The following DIAPH3 variants were observed in gnomAD, a reference collection of about 807,000 sequenced individuals.
The protein encoded by DIAPH3 is protein diaphanous homolog 3.
Under a neutral mutation model 144.3 loss-of-function variants are expected in DIAPH3, and 117 were observed. The ratio of observed to expected loss-of-function variants is 0.81; its 90% confidence interval spans 0.70 to 0.95. The LOEUF (loss-of-function observed/expected upper bound fraction) is 0.95, where lower values mean the gene tolerates loss of function less well. Among genes scored for constraint, DIAPH3 ranks in the 40% least tolerant of loss-of-function variants. The pLI, the probability that DIAPH3 is intolerant of heterozygous loss-of-function variation, is 0.00. For synonymous variants in DIAPH3, 519 were observed against 488.9 expected, an observed-to-expected ratio of 1.06 and a Z score of -0.81; for missense variants, 1,421 against 1,412.7, an observed-to-expected ratio of 1.01 and a Z score of -0.09.
At chr13:60,151,591 C>G (rs1426764478) in intron 1 of DIAPH3, among the ~76,000 whole-genome samples, 1 of 152,128 alleles carries the variant, frequency 6.6e-6, no homozygotes, top group Non-Finnish European at 1.5e-5. Flanking sequence ...TATAAAGTTA[C>G]AAGAGTACTT....
chr13:60,129,265 C>T (rs2059074733), intron 2 of DIAPH3, among the ~76,000 whole-genome samples: 1 of 152,140 alleles, frequency 6.6e-6, no homozygotes, highest in Admixed American at 6.5e-5. Context: ...ATGAGGAAAA[C>T]CTTCTTCAAA....
chr13:59,715,786 T>A (rs1566213735), intron 27 of DIAPH3, among the ~76,000 whole-genome samples: 1 of 152,192 alleles, frequency 6.6e-6, no homozygotes, highest in African/African-American at 2.4e-5. Context: ...TTCATTTTTT[T>A]CTTTCTCTAA....
chr13:59,845,089 A>G (rs1353345820), intron 22 of DIAPH3, among the ~76,000 whole-genome samples: 1 of 149,992 alleles, frequency 6.7e-6, no homozygotes, highest in African/African-American at 2.5e-5. Context: ...TCTGTTGCCC[A>G]GGCTGGAGTG....
chr13:59,757,774 G>A (rs977559120), intron 27 of DIAPH3, among the ~76,000 whole-genome samples: 5 of 152,068 alleles, frequency 3.3e-5, no homozygotes, highest in Non-Finnish European at 7.4e-5. Flanking sequence ...CATGCTACAA[G>A]GACAATATTC....
At chr13:59,914,974 A>G (rs1008910318) in intron 19 of DIAPH3, among the ~76,000 whole-genome samples, 1 of 152,312 alleles carries the variant, frequency 6.6e-6, no homozygotes, top group East Asian at 1.9e-4. Context: ...TACTTTGGAC[A>G]TGAATTTTAA....
In DIAPH3 at chr13:59,980,802, T is replaced by C; in HGVS notation, c.1538A>G (p.Tyr513Cys). The change falls in exon 14 of 28, where the codon TAC (tyrosine) becomes TGC (cysteine). Residue 513 changes from tyrosine (Y) to cysteine (C), a missense_variant. By Grantham distance (194) the Tyr-to-Cys change is radical. Transcript: ENST00000400324. The stretch of plus-strand genomic sequence containing the variant: ...TTAGTGAAAACTACTTACTTTCTTG[T>C]AAAGTTCTGATGCTTTCTCTTCAAA... ...EEFEEKASEL[Y>C]KKFEKEFTDH... 1 of 1,609,262 alleles carries C rather than the reference T, an allele frequency of 6.2e-7. No homozygotes were observed. The highest frequency in any genetic ancestry group is 8.5e-7 in the Non-Finnish European group (1 of 1,176,868).
At chr13:59,871,578 GATTAC>G (rs1465252864) in intron 21 of DIAPH3, among the ~76,000 whole-genome samples, 1 of 152,118 alleles carries the variant, frequency 6.6e-6, no homozygotes, top group African/African-American at 2.4e-5. Context: ...GATGATGATA[GATTAC>G]ATTAATGGAT....
At chr13:59,934,232 T>G (rs1174740260) in intron 17 of DIAPH3, among the ~76,000 whole-genome samples, 1 of 152,166 alleles carries the variant, frequency 6.6e-6, no homozygotes, top group Non-Finnish European at 1.5e-5. Context: ...GTTAAATGTA[T>G]CTTATGACAA....
chr13:59,785,264 G>A (rs992744131), intron 25 of DIAPH3, among the ~76,000 whole-genome samples: 2 of 152,032 alleles, frequency 1.3e-5, no homozygotes, highest in African/African-American at 2.4e-5. Context: ...TCCCTTATTC[G>A]TCATGATTTG....
At chr13:59,674,023 G>C (rs977244496) in intron 27 of DIAPH3, among the ~76,000 whole-genome samples, 1 of 152,178 alleles carries the variant, frequency 6.6e-6, no homozygotes, top group African/African-American at 2.4e-5. Flanking sequence ...GTAGCCAAGT[G>C]ATCAAAAGTG....
chr13:59,716,329 C>T (rs910085920), intron 27 of DIAPH3, among the ~76,000 whole-genome samples: 19 of 152,278 alleles, frequency 1.2e-4, no homozygotes, highest in Non-Finnish European at 2.5e-4. Flanking sequence ...GCGCCCGCCA[C>T]CACGCCCGGC....
chr13:59,865,101 A>G (rs548407270), intron 21 of DIAPH3, among the ~76,000 whole-genome samples: 4 of 151,988 alleles, frequency 2.6e-5, no homozygotes, highest in Middle Eastern at 6.8e-3. Context: ...AAATTTCACA[A>G]TGCTGCCAAG....
At chr13:59,692,530 T>C (rs2033588002) in intron 27 of DIAPH3, among the ~76,000 whole-genome samples, 2 of 151,580 alleles carry the variant, frequency 1.3e-5, no homozygotes, top group Non-Finnish European at 2.9e-5. Context: ...CCAGCCTTAC[T>C]CCATTCTCCT....
intron 27 of DIAPH3, among the ~76,000 whole-genome samples, chr13:59,750,312 T>A (rs11842123): frequency 0.03 from 4,610 of 152,278 alleles, 236 homozygotes; most frequent in African/African-American, 0.1. Flanking sequence ...ACCATTTTTA[T>A]GGGCCAATAC....
intron 27 of DIAPH3, among the ~76,000 whole-genome samples, chr13:59,701,696 C>A (rs2034121478): frequency 6.6e-6 from 1 of 152,186 alleles, no homozygotes; most frequent in Admixed American, 6.5e-5. Flanking sequence ...TGATTAGATT[C>A]TCAAATGAAT....
In DIAPH3 at chr13:59,969,994, T is replaced by G. The variant is rs781029619; in HGVS notation, c.2024A>C (p.Asn675Thr). ...WIKVNENKYE[N>T]VDLLCKLENT... is the part of the protein sequence containing the mutation. ...CTCAAGTTTACAAAGCAAATCCACG[T>G]TTTCATACTTATTTTCATTTACTTT... The change falls in exon 17 of 28, where the codon AAC becomes ACC. Residue 675 changes from asparagine (N) to threonine (T), a missense_variant. Transcript: ENST00000400324. 6.2e-7 allele frequency: 1 copy of G among 1,610,118 alleles called. No individual in the cohort carries two copies. The highest frequency in any genetic ancestry group is 1.7e-5 in the Admixed American group (1 of 59,804).
intron 4 of DIAPH3, among the ~76,000 whole-genome samples, chr13:60,061,478 A>C: frequency 6.6e-6 from 1 of 152,050 alleles, no homozygotes; most frequent in Non-Finnish European, 1.5e-5. Flanking sequence ...TTACAGAGAC[A>C]AAGAGGCACG....
chr13:59,668,322 A>G (rs558195689), intron 27 of DIAPH3, among the ~76,000 whole-genome samples: 176 of 152,312 alleles, frequency 1.2e-3, no homozygotes, highest in African/African-American at 4.1e-3. Flanking sequence ...CTAAATGTAG[A>G]ATGTTGGCCA....
chr13:60,092,432 C>G (rs1261187939), intron 4 of DIAPH3, among the ~76,000 whole-genome samples: 2 of 152,166 alleles, frequency 1.3e-5, no homozygotes, highest in Non-Finnish European at 2.9e-5. Context: ...GCGGGCGGAT[C>G]ACGAGGTCAG....
Sources: allele counts gnomAD v4.1 joint callset (sites outside exome capture counted in the v4.1 genomes callset), GRCh38; gene constraint gnomAD v4.1.1; transcripts MANE v1.5; gene names NCBI Gene and HGNC (gene_info 2026-07-23, HGNC 2026-07-21).